PTPRN2: variants seen among roughly 807,000 people sequenced by gnomAD.
The protein encoded by PTPRN2 is protein tyrosine phosphatase receptor type N2.
PTPRN2 carries 74 observed loss-of-function variants against 118.8 expected under a neutral mutation model. The observed-to-expected ratio is 0.62, with a 90% CI of 0.52 to 0.76. The LOEUF (loss-of-function observed/expected upper bound fraction) is 0.76. PTPRN2 is among the 30% of genes least tolerant of loss of function. PTPRN2 has a pLI of 0.00. For synonymous variants in PTPRN2, 641 were observed against 608.0 expected (o/e 1.05, Z -0.80); for missense variants, 1,481 against 1,394.4 (o/e 1.06, Z -0.99).
intron 11 of PTPRN2, among the ~76,000 whole-genome samples, chr7:158,057,647 G>A (rs1436776080): frequency 6.6e-6 from 1 of 152,068 alleles, no homozygotes; most frequent in African/African-American, 2.4e-5. Context: ...GTGCATGGAG[G>A]ACCCCAGAGA....
chr7:157,555,406 G>A (rs79436561), intron 21 of PTPRN2, among the ~76,000 whole-genome samples: 1,610 of 152,292 alleles, frequency 0.011, 24 homozygotes, highest in African/African-American at 0.037. Flanking sequence ...AAGCAAATAT[G>A]CCACCGGTGT....
intron 1 of PTPRN2, among the ~76,000 whole-genome samples, chr7:158,585,490 G>C (rs1046393038): frequency 1.3e-5 from 2 of 152,176 alleles, no homozygotes; most frequent in Non-Finnish European, 2.9e-5. Flanking sequence ...TTATGACACA[G>C]CCTTCTGTTA....
chr7:158,030,669 G>A (rs1170171933), intron 11 of PTPRN2: 3 of 152,674 alleles, frequency 2.0e-5, no homozygotes, highest in Middle Eastern at 3.4e-3. Context: ...CCTGTAAGCC[G>A]AGGAATGGCA....
chr7:157,824,842 G>A (rs113386133), intron 12 of PTPRN2, among the ~76,000 whole-genome samples: 44 of 152,310 alleles, frequency 2.9e-4, no homozygotes, highest in East Asian at 1.2e-3. Context: ...GGCAGAACCC[G>A]CCTCGCCTTG....
Position 158,015,792 on chromosome 7 carries a change from A to G in PTPRN2, c.1723+65506T>C, listed in dbSNP as rs1473245622. Among the ~76,000 whole-genome samples, 2 of 152,232 alleles carry G rather than the reference A, an allele frequency of 1.3e-5. No homozygotes were observed. Among genetic ancestry groups the G allele is most frequent in the Non-Finnish European group, 2.9e-5 (2 of 68,052 alleles). On this transcript the variant is annotated intron_variant, in intron 11 of 22. Transcript: ENST00000389418. The surrounding 1 kb of genome is among the most constrained non-coding windows in gnomAD (Gnocchi z 4.2). ...ATTGTCTAATGGTCCCAGGTCCAAC[A>G]CTAAGGGAAACACATCCATTCACTA... is the stretch of plus-strand genomic sequence containing the variant.
At chr7:157,937,330 G>C (rs1202677104) in intron 11 of PTPRN2, among the ~76,000 whole-genome samples, 2 of 152,220 alleles carry the variant, frequency 1.3e-5, no homozygotes, top group Non-Finnish European at 1.5e-5. Flanking sequence ...GGGAAAGGAA[G>C]AGGAAGGTTT....
chr7:158,417,119 A>G (rs1011010553), intron 2 of PTPRN2, among the ~76,000 whole-genome samples: 4 of 151,890 alleles, frequency 2.6e-5, no homozygotes, highest in African/African-American at 9.7e-5. Flanking sequence ...CTACATCAAG[A>G]TGCCGTAGCT....
At chr7:158,457,284 A>G (rs1277373589) in intron 2 of PTPRN2, among the ~76,000 whole-genome samples, 3 of 152,048 alleles carry the variant, frequency 2.0e-5, no homozygotes, top group Non-Finnish European at 4.4e-5. Context: ...ACTCCAATGA[A>G]CATCCCCAGA....
chr7:157,700,626 G>A (rs911571569), intron 12 of PTPRN2, among the ~76,000 whole-genome samples: 1 of 152,112 alleles, frequency 6.6e-6, no homozygotes, highest in Non-Finnish European at 1.5e-5. Flanking sequence ...ACCACCCTCA[G>A]CCTCGGCCAT....
chr7:158,352,470 C>T (rs1808076921), intron 2 of PTPRN2, among the ~76,000 whole-genome samples: 1 of 152,212 alleles, frequency 6.6e-6, no homozygotes, highest in South Asian at 2.1e-4. Flanking sequence ...ATTAGAATGG[C>T]TGCTTCACCC....
intron 12 of PTPRN2, among the ~76,000 whole-genome samples, chr7:157,772,200 TACAC>T (rs201305721): frequency 8.0e-6 from 1 of 124,328 alleles, no homozygotes; most frequent in Middle Eastern, 6.6e-3. Context: ...CACACATACA[TACAC>T]AGAGACACAC....
chr7:157,553,774 T>C (rs1192232949), intron 21 of PTPRN2, among the ~76,000 whole-genome samples: 1 of 152,206 alleles, frequency 6.6e-6, no homozygotes, highest in African/African-American at 2.4e-5. Flanking sequence ...AAATCAACTG[T>C]CTGCTGTGGA....
intron 3 of PTPRN2, among the ~76,000 whole-genome samples, chr7:158,263,912 T>A (rs1332297239): frequency 6.6e-6 from 1 of 152,198 alleles, no homozygotes; most frequent in Non-Finnish European, 1.5e-5. Flanking sequence ...CGGAGGTGGC[T>A]GAACACCCGC....
chr7:157,594,901 A>C (rs1158936020), intron 17 of PTPRN2, among the ~76,000 whole-genome samples: 1 of 152,228 alleles, frequency 6.6e-6, no homozygotes, highest in Admixed American at 6.5e-5. Context: ...TGTGACCGCC[A>C]TCATAACAAC....
At chr7:157,927,252 T>G (rs1403029957) in intron 11 of PTPRN2, among the ~76,000 whole-genome samples, 1,000 of 45,418 alleles carry the variant, frequency 0.022, 306 homozygotes, top group Non-Finnish European at 0.033. Context: ...CCTCGCGTCT[T>G]CTGGGACCCC....
Position 157,674,864 on chromosome 7 carries a change from G to T in PTPRN2, c.2001+7861C>A, listed in dbSNP as rs1341978953. ...GCCGGGGGGGTCTGCACAGTTCTGG[G>T]TGGGGGAGGCTCCAGGAGCTACCCG... On this transcript the variant is annotated intron_variant, in intron 13 of 22. Coordinates refer to ENST00000389418, the MANE Select transcript of PTPRN2 (RefSeq NM_002847.5). The surrounding 1 kb of genome is among the most constrained non-coding windows in gnomAD (Gnocchi z 4.5). 1.3e-5 allele frequency among the ~76,000 whole-genome samples: 2 copies of T among 152,316 alleles called. No individual in the cohort carries two copies. Among genetic ancestry groups the T allele is most frequent in the East Asian group, 3.9e-4 (2 of 5,162 alleles).
chr7:158,397,292 C>A (rs546479590), intron 2 of PTPRN2, among the ~76,000 whole-genome samples: 1 of 152,350 alleles, frequency 6.6e-6, no homozygotes, highest in East Asian at 1.9e-4. Flanking sequence ...CTGCAGAGAA[C>A]CACATGAGCT....
intron 20 of PTPRN2, among the ~76,000 whole-genome samples, chr7:157,570,040 T>C (rs1327826195): frequency 1.3e-5 from 2 of 152,258 alleles, no homozygotes; most frequent in Admixed American, 1.3e-4. Context: ...GGCTTTAACA[T>C]GTTTCCTCAA....
intron 12 of PTPRN2, among the ~76,000 whole-genome samples, chr7:157,703,747 G>A (rs1468580): frequency 3.3e-5 from 5 of 151,902 alleles, no homozygotes; most frequent in African/African-American, 7.3e-5. Flanking sequence ...CCCCGCGGCC[G>A]CTTGTCCTCT....
Sources: allele counts gnomAD v4.1 joint callset (sites outside exome capture counted in the v4.1 genomes callset), GRCh38; gene constraint gnomAD v4.1.1; non-coding constraint Gnocchi (gnomAD v3.1); transcripts MANE v1.5; gene names NCBI Gene and HGNC (gene_info 2026-07-23, HGNC 2026-07-21).